PRKN: variants seen among roughly 807,000 people sequenced by gnomAD.
The protein encoded by PRKN is E3 ubiquitin-protein ligase parkin.
PRKN carries 56 observed loss-of-function variants against 59.5 expected under a neutral mutation model. The ratio of observed to expected loss-of-function variants is 0.94; its 90% CI spans 0.76 to 1.18. The LOEUF is 1.18. Among genes scored for constraint, PRKN ranks in the 50% most tolerant of loss-of-function variants. The probability of loss-of-function intolerance (pLI) is 0.00; values close to 1 mark genes in which losing one functional copy is unlikely to be tolerated. For missense variants in PRKN, 657 were observed against 596.4 expected (o/e 1.10, Z -1.06); for synonymous variants, 250 against 222.1 (o/e 1.13, Z -1.12).
In PRKN at chr6:161,582,583, C is replaced by T. The variant is rs915947964; in HGVS notation, c.872-13167G>A. 6.6e-6 allele frequency among the ~76,000 whole-genome samples: 1 copy of T among 151,976 alleles called. No individual in the cohort carries two copies. Among genetic ancestry groups the T allele is most frequent in the African/African-American group, 2.4e-5 (1 of 41,378 alleles). ...CTGGGACTACAGGCGCCTGCCACCT[C>T]GCCTGGCTAATTGTTTTGTAGTTTT... On this transcript the variant is annotated intron_variant, in intron 7 of 11. Coordinates refer to ENST00000366898, the MANE Select transcript of PRKN (RefSeq NM_004562.3). The surrounding 1 kb of genome is among the most constrained non-coding windows in gnomAD (Gnocchi z 4.4).
intron 6 of PRKN, among the ~76,000 whole-genome samples, chr6:161,823,416 A>T (rs914297094): frequency 1.6e-4 from 25 of 152,120 alleles, no homozygotes; most frequent in Admixed American, 5.2e-4. Context: ...TATGGGTGTG[A>T]TGGGCTGGGT....
intron 7 of PRKN, among the ~76,000 whole-genome samples, chr6:161,703,254 T>C (rs113487664): frequency 0.017 from 2,646 of 152,160 alleles, 69 homozygotes; most frequent in African/African-American, 0.061. Context: ...CAGTGAGCCA[T>C]GATCACTCCA....
rs1790186829 is a variant in PRKN at position 161,460,947 on chromosome 6, CG to C, written c.1084-74071del. On this transcript the variant is annotated intron_variant, in intron 9 of 11. Coordinates refer to ENST00000366898, the MANE Select transcript of PRKN (RefSeq NM_004562.3). The surrounding 1 kb of genome is among the most constrained non-coding windows in gnomAD (Gnocchi z 5.0). ...CTTTCTTTTTTTTTTTTAGCAGAGA[CG>C]GGGTTTCACCATGTTGGCCAGGATG... Among the ~76,000 whole-genome samples, 2 of 151,154 alleles carry C rather than the reference CG, an allele frequency of 1.3e-5. No individual in the cohort carries two copies. Among genetic ancestry groups the C allele is most frequent in the East Asian group, 3.9e-4 (2 of 5,146 alleles).
At chr6:162,689,644 T>C (rs1777695986) in intron 1 of PRKN, among the ~76,000 whole-genome samples, 1 of 152,212 alleles carries the variant, frequency 6.6e-6, no homozygotes, top group Admixed American at 6.5e-5. Context: ...CATCCTAATG[T>C]CTTAATGATT....
At chr6:162,168,986 G>A (rs9456748) in intron 4 of PRKN, among the ~76,000 whole-genome samples, 62,341 of 151,914 alleles carry the variant, frequency 0.41, 15,680 homozygotes, top group Non-Finnish European at 0.56. Flanking sequence ...TTTGCTGGCC[G>A]GCCAGATTCC....
intron 5 of PRKN, among the ~76,000 whole-genome samples, chr6:162,021,470 T>A (rs370343100): frequency 1.0e-4 from 14 of 140,350 alleles, no homozygotes; most frequent in East Asian, 6.1e-4. Context: ...TATTTTTTTT[T>A]TTTTTTTCCT....
At chr6:162,347,662 T>C (rs1784460213) in intron 2 of PRKN, among the ~76,000 whole-genome samples, 1 of 152,180 alleles carries the variant, frequency 6.6e-6, no homozygotes, top group Admixed American at 6.5e-5. Context: ...ATTTGTTAAT[T>C]TTATTGCTTA....
chr6:162,042,786 A>C (rs1265356531), intron 5 of PRKN, among the ~76,000 whole-genome samples: 2 of 152,188 alleles, frequency 1.3e-5, no homozygotes, highest in African/African-American at 4.8e-5. Flanking sequence ...GCTTAATATA[A>C]AATTACTTAA....
intron 1 of PRKN, among the ~76,000 whole-genome samples, chr6:162,664,376 C>A (rs1779016444): frequency 6.6e-6 from 1 of 152,068 alleles, no homozygotes; most frequent in Non-Finnish European, 1.5e-5. Context: ...GTCTTTATAG[C>A]AGAATGATTT....
chr6:162,341,692 G>A (rs1678964476), intron 2 of PRKN, among the ~76,000 whole-genome samples: 1 of 152,036 alleles, frequency 6.6e-6, no homozygotes, highest in African/African-American at 2.4e-5. Context: ...CCACTCATAA[G>A]TGGGAGTTGA....
intron 5 of PRKN, among the ~76,000 whole-genome samples, chr6:162,020,207 C>T (rs1783083071): frequency 6.6e-6 from 1 of 151,744 alleles, no homozygotes; most frequent in South Asian, 2.1e-4. Flanking sequence ...TCATTAGGCT[C>T]CAGCCCTGCA....
In PRKN at chr6:161,386,632, G is replaced by C. The variant is rs9347504; in HGVS notation, c.1167+162C>G. Among the ~76,000 whole-genome samples, 10,348 of 152,236 alleles carry C rather than the reference G, an allele frequency of 0.068. 491 individuals are homozygous for C. Among genetic ancestry groups the C allele is most frequent in the South Asian group, 0.22 (1,065 of 4,822 alleles). On this transcript the variant is annotated intron_variant, in intron 10 of 11. Coordinates refer to ENST00000366898, the MANE Select transcript of PRKN (RefSeq NM_004562.3). This position sits in a 1 kb window ranked among gnomAD's most constrained non-coding sequence, Gnocchi z 4.3. ...AGTCTACACTGTGCCCCAAGGAGGGGAGTCATTCTGGGAGAAGCCACGGCC... is the reference window on the plus strand; with the variant it reads ...AGTCTACACTGTGCCCCAAGGAGGGCAGTCATTCTGGGAGAAGCCACGGCC...
intron 9 of PRKN, among the ~76,000 whole-genome samples, chr6:161,494,579 T>C (rs1291003279): frequency 1.3e-5 from 2 of 152,248 alleles, no homozygotes; most frequent in Admixed American, 6.5e-5. Flanking sequence ...TGGATTGAAC[T>C]GAATTTCTAG....
In PRKN at chr6:161,473,779, G is replaced by C. The variant is rs1790917753; in HGVS notation, c.1083+75075C>G. ...ATGATAAGTATGTTAATTTGCTTGA[G>C]TATAGTAACCACTTCACTATGTATA... On this transcript the variant is annotated intron_variant, in intron 9 of 11. Transcript: ENST00000366898. The surrounding 1 kb of genome is among the most constrained non-coding windows in gnomAD (Gnocchi z 4.1). 6.6e-6 allele frequency among the ~76,000 whole-genome samples: 1 copy of C among 152,100 alleles called. No individual in the cohort carries two copies. Among genetic ancestry groups the C allele is most frequent in the Admixed American group, 6.6e-5 (1 of 15,266 alleles).
At chr6:161,934,495 G>T (rs1174320406) in intron 6 of PRKN, among the ~76,000 whole-genome samples, 1 of 152,110 alleles carries the variant, frequency 6.6e-6, no homozygotes, top group African/African-American at 2.4e-5. Flanking sequence ...CCCACAATAT[G>T]AAAAAATGTC....
At chr6:162,087,513 C>T (rs760733929) in intron 4 of PRKN, among the ~76,000 whole-genome samples, 3 of 151,320 alleles carry the variant, frequency 2.0e-5, no homozygotes, top group Non-Finnish European at 4.4e-5. Context: ...AGGCACTGTG[C>T]TTCCCTATGA....
At chr6:162,130,893 T>C (rs1211594552) in intron 4 of PRKN, among the ~76,000 whole-genome samples, 1 of 152,128 alleles carries the variant, frequency 6.6e-6, no homozygotes, top group Non-Finnish European at 1.5e-5. Flanking sequence ...TGGTAAAAAA[T>C]GGATCCTCAC....
At chr6:161,595,514 T>A (rs1781883381) in intron 7 of PRKN, among the ~76,000 whole-genome samples, 1 of 152,236 alleles carries the variant, frequency 6.6e-6, no homozygotes, top group African/African-American at 2.4e-5. Flanking sequence ...AGACACTCCA[T>A]GTGGTTAGCT....
chr6:162,515,467 T>C (rs1379198713), intron 1 of PRKN, among the ~76,000 whole-genome samples: 2 of 152,188 alleles, frequency 1.3e-5, no homozygotes, highest in Admixed American at 6.5e-5. Flanking sequence ...TATAGTCATG[T>C]TAATATGCTC....
Sources: gnomAD v4.1 joint callset for allele counts (sites outside exome capture counted in the v4.1 genomes callset) on GRCh38, gnomAD v4.1.1 for gene constraint, Gnocchi (gnomAD v3.1) non-coding constraint, MANE v1.5 for transcripts, NCBI Gene and HGNC (gene_info 2026-07-23, HGNC 2026-07-21) for gene names.